PDE4D: variants seen among roughly 807,000 people sequenced by gnomAD.
The protein encoded by PDE4D is 3',5'-cyclic-AMP phosphodiesterase 4D.
PDE4D carries 24 observed loss-of-function variants against 87.4 expected under a neutral mutation model. The observed-to-expected ratio is 0.27, with a 90% CI of 0.20 to 0.39. The LOEUF (loss-of-function observed/expected upper bound fraction) is 0.39. Ranked by LOEUF, PDE4D falls within the 10% of genes least tolerant of loss-of-function variation. PDE4D has a pLI of 1.00. For synonymous variants in PDE4D, 384 were observed against 383.2 expected, an observed-to-expected ratio of 1.00 and a Z score of -0.02; for missense variants, 714 against 1,041.0, an observed-to-expected ratio of 0.69 and a Z score of 4.32.
intron 1 of PDE4D, among the ~76,000 whole-genome samples, chr5:59,741,254 A>T (rs1758790639): frequency 6.6e-6 from 1 of 152,164 alleles, no homozygotes; most frequent in African/African-American, 2.4e-5. Context: ...CAGTTTTATC[A>T]TCTAGTCAAA....
At chr5:59,444,692 G>A (rs942130365) in intron 1 of PDE4D, among the ~76,000 whole-genome samples, 2 of 152,012 alleles carry the variant, frequency 1.3e-5, no homozygotes, top group Non-Finnish European at 2.9e-5. Flanking sequence ...GGTGCCTGTA[G>A]TCCCAGCTAC....
intron 2 of PDE4D, among the ~76,000 whole-genome samples, chr5:59,989,495 CAT>C (rs1263042997): frequency 3.3e-5 from 5 of 152,094 alleles, no homozygotes; most frequent in Middle Eastern, 3.4e-3. Context: ...ATATTTGAAA[CAT>C]ATGTTTTCAT....
At chr5:60,409,444 T>C (rs1161199190) in intron 1 of PDE4D, among the ~76,000 whole-genome samples, 1 of 152,138 alleles carries the variant, frequency 6.6e-6, no homozygotes, top group Non-Finnish European at 1.5e-5. Flanking sequence ...ACAAGTGCTC[T>C]GAAGTTATGG....
At chr5:60,251,295 T>C (rs1748423606) in intron 1 of PDE4D, among the ~76,000 whole-genome samples, 1 of 151,816 alleles carries the variant, frequency 6.6e-6, no homozygotes, top group Non-Finnish European at 1.5e-5. Flanking sequence ...GTGTACAGAT[T>C]ATTTCATCAC....
At chr5:59,037,913 T>C (rs1275302879) in intron 6 of PDE4D, among the ~76,000 whole-genome samples, 1 of 151,644 alleles carries the variant, frequency 6.6e-6, no homozygotes, top group Non-Finnish European at 1.5e-5. Flanking sequence ...CTTGACCTTG[T>C]AAATAGGTGG....
At chr5:59,883,059 G>A (rs140723122) in intron 1 of PDE4D, among the ~76,000 whole-genome samples, 2 of 152,180 alleles carry the variant, frequency 1.3e-5, no homozygotes, top group East Asian at 1.9e-4. Context: ...GATTACAGGC[G>A]TGAGCCAAGA....
chr5:59,723,437 T>A (rs529702627), intron 1 of PDE4D, among the ~76,000 whole-genome samples: 58 of 152,230 alleles, frequency 3.8e-4, no homozygotes, highest in African/African-American at 1.4e-3. Flanking sequence ...ACAGAGTAAA[T>A]GCTCAAGAAA....
intron 1 of PDE4D, among the ~76,000 whole-genome samples, chr5:59,787,904 T>G (rs1765347675): frequency 6.6e-6 from 1 of 152,170 alleles, no homozygotes; most frequent in African/African-American, 2.4e-5. Context: ...GAGACACATC[T>G]TAAAAATGCA....
At chr5:59,829,874 CA>C (rs1323954547) in intron 1 of PDE4D, among the ~76,000 whole-genome samples, 2 of 151,832 alleles carry the variant, frequency 1.3e-5, no homozygotes, top group Non-Finnish European at 2.9e-5. Flanking sequence ...GATGTATGTG[CA>C]ATTGGAATTC....
intron 1 of PDE4D, among the ~76,000 whole-genome samples, chr5:59,226,731 C>G (rs1381446323): frequency 4.6e-5 from 7 of 152,084 alleles, no homozygotes; most frequent in African/African-American, 1.7e-4. Flanking sequence ...ACTCTTGAGG[C>G]AAAGCCTGCA....
chr5:59,430,597 TTTCTGTTCA>T, intron 1 of PDE4D: 1 of 398,494 alleles, frequency 2.5e-6, no homozygotes, highest in Middle Eastern at 6.6e-4. Context: ...ACTACCTTGT[TTTCTGTTCA>T]TTCTGTTCAT....
chr5:59,469,277 G>C (rs1359229367), intron 1 of PDE4D, among the ~76,000 whole-genome samples: 3 of 152,072 alleles, frequency 2.0e-5, no homozygotes, highest in East Asian at 3.9e-4. Context: ...GCAGTGAGCT[G>C]AGATCACGCC....
At chr5:59,690,534 G>A (rs181151059) in intron 1 of PDE4D, among the ~76,000 whole-genome samples, 1 of 152,266 alleles carries the variant, frequency 6.6e-6, no homozygotes, top group East Asian at 1.9e-4. Flanking sequence ...AGCTGAAACT[G>A]GATCTCTTCC....
chr5:59,454,003 T>G (rs192079435), intron 1 of PDE4D, among the ~76,000 whole-genome samples: 1 of 152,200 alleles, frequency 6.6e-6, no homozygotes, highest in Admixed American at 6.5e-5. Context: ...CCAATGTTCA[T>G]TTACCAGTCT....
At chr5:59,299,676 T>C (rs1019613306) in intron 1 of PDE4D, among the ~76,000 whole-genome samples, 3 of 152,210 alleles carry the variant, frequency 2.0e-5, no homozygotes, top group African/African-American at 7.2e-5. Flanking sequence ...TTCATTTTAG[T>C]AAATTGCCAA....
At chr5:59,475,683 A>G (rs1322959098) in intron 1 of PDE4D, among the ~76,000 whole-genome samples, 1 of 152,006 alleles carries the variant, frequency 6.6e-6, no homozygotes, top group African/African-American at 2.4e-5. Context: ...AACAACAACA[A>G]AAAGGTTGGC....
At chr5:59,587,488 T>C (rs1825335576) in intron 1 of PDE4D, 1 of 985,444 alleles carries the variant, frequency 1.0e-6, no homozygotes, top group Non-Finnish European at 1.2e-6. Flanking sequence ...AACAGGCTCC[T>C]GCTGGAGTCC....
chr5:59,688,377 C>A (rs1378348633), intron 1 of PDE4D, among the ~76,000 whole-genome samples: 2 of 152,182 alleles, frequency 1.3e-5, no homozygotes, highest in African/African-American at 4.8e-5. Context: ...GTCTCTCAGA[C>A]CACAGTGCAA....
At chr5:59,791,335 T>C (rs1765765164) in intron 1 of PDE4D, among the ~76,000 whole-genome samples, 1 of 152,220 alleles carries the variant, frequency 6.6e-6, no homozygotes, top group Non-Finnish European at 1.5e-5. Flanking sequence ...ATGAATATAA[T>C]GGTGGGAGTT....
Sources: gnomAD v4.1 joint callset for allele counts (sites outside exome capture counted in the v4.1 genomes callset) on GRCh38, gnomAD v4.1.1 for gene constraint, MANE v1.5 for transcripts, NCBI Gene and HGNC (gene_info 2026-07-23, HGNC 2026-07-21) for gene names.